The following MSH4 variants were observed in gnomAD, a reference collection of about 807,000 sequenced individuals.
MSH4 encodes mutS homolog 4.
Under a neutral mutation model 113.7 loss-of-function variants are expected in MSH4, and 106 were observed. That is an observed-to-expected ratio of 0.93 (90% confidence interval 0.80 to 1.10). The LOEUF (loss-of-function observed/expected upper bound fraction) is 1.10. MSH4 is among the 50% of genes least tolerant of loss of function. The probability of loss-of-function intolerance (pLI) is 0.00; values close to 1 mark genes in which losing one functional copy is unlikely to be tolerated. For missense variants in MSH4, 1,061 were observed against 1,093.7 expected (o/e 0.97, Z 0.42); for synonymous variants, 368 against 380.2 (o/e 0.97, Z 0.37).
At chr1:75,897,613 A>G (rs991265948) in intron 17 of MSH4, among the ~76,000 whole-genome samples, 1 of 152,076 alleles carries the variant, frequency 6.6e-6, no homozygotes, top group Non-Finnish European at 1.5e-5. Context: ...TCATCTTTTC[A>G]ATATCTTCAG....
intron 14 of MSH4, among the ~76,000 whole-genome samples, chr1:75,883,196 A>C (rs1210870278): frequency 7.1e-6 from 1 of 141,770 alleles, no homozygotes; most frequent in African/African-American, 2.6e-5. Context: ...TTGTAGAGAT[A>C]GGGTTTGACC....
intron 8 of MSH4, among the ~76,000 whole-genome samples, chr1:75,860,730 A>G (rs928840574): frequency 2.0e-5 from 3 of 152,082 alleles, no homozygotes; most frequent in Non-Finnish European, 4.4e-5. Context: ...GAATCTGCCA[A>G]TTATGTGTCT....
At chr1:75,910,105 C>CAA (rs1201551184) in intron 19 of MSH4, among the ~76,000 whole-genome samples, 1 of 152,058 alleles carries the variant, frequency 6.6e-6, no homozygotes, top group Non-Finnish European at 1.5e-5. Flanking sequence ...CTCTACTTTT[C>CAA]AAACTATTAT....
At chr1:75,800,752 C>G (rs757024226) in intron 1 of MSH4, among the ~76,000 whole-genome samples, 100 of 152,138 alleles carry the variant, frequency 6.6e-4, no homozygotes, top group Non-Finnish European at 2.8e-4. Flanking sequence ...ATAGAGTTCA[C>G]TTTTGGACAT....
chr1:75,878,054 A>G (rs1651852518), intron 10 of MSH4, 95 bp from the exon 11 acceptor site: 1 of 925,346 alleles, frequency 1.1e-6, no homozygotes, highest in East Asian at 2.9e-5. Flanking sequence ...AACTTTCAAC[A>G]AAAATTTGCT....
At chr1:75,803,976 A>C in intron 2 of MSH4, 63 bp downstream of exon 2, 1 of 1,182,284 alleles carries the variant, frequency 8.5e-7, no homozygotes, top group Non-Finnish European at 1.1e-6. Flanking sequence ...ATAAATTATA[A>C]ATTAGGGTTA....
At chr1:75,815,189 A>G (rs534320201) in intron 5 of MSH4, 53 bp downstream of exon 5, 6 of 936,796 alleles carry the variant, frequency 6.4e-6, no homozygotes, top group Non-Finnish European at 9.6e-6. Flanking sequence ...CCAATATCAT[A>G]TCAAGTAAGT....
chr1:75,882,424 C>T (rs568231542), intron 14 of MSH4, among the ~76,000 whole-genome samples: 3 of 152,002 alleles, frequency 2.0e-5, no homozygotes, highest in African/African-American at 7.2e-5. Flanking sequence ...CACCCTCTTC[C>T]TCCTCCCCCC....
intron 7 of MSH4, among the ~76,000 whole-genome samples, chr1:75,840,011 A>G (rs1234593555): frequency 6.7e-6 from 1 of 149,422 alleles, no homozygotes; most frequent in Admixed American, 6.7e-5. Context: ...TTAAAAAGTC[A>G]GGAAACAACA....
intron 4 of MSH4, 151 bp downstream of exon 4, chr1:75,810,958 A>T (rs372533881): frequency 3.9e-5 from 15 of 386,224 alleles, no homozygotes; most frequent in East Asian, 2.8e-4. Context: ...TGCAACCTCC[A>T]GCTCCCGAGT....
intron 7 of MSH4, among the ~76,000 whole-genome samples, chr1:75,830,231 T>A (rs1650651858): frequency 6.6e-6 from 1 of 151,682 alleles, no homozygotes; most frequent in Admixed American, 6.6e-5. Context: ...AAAAGACAAG[T>A]TTAGAGAAAA....
intron 10 of MSH4, 42 bp downstream of exon 10, chr1:75,877,042 C>G: frequency 7.8e-7 from 1 of 1,281,996 alleles, no homozygotes; most frequent in South Asian, 1.5e-5. Context: ...AGATTATTCT[C>G]TTCTTCCTGA....
chr1:75,891,792 A>G (rs1019457676), intron 17 of MSH4, among the ~76,000 whole-genome samples: 2 of 152,178 alleles, frequency 1.3e-5, no homozygotes, highest in African/African-American at 4.8e-5. Flanking sequence ...AATCTATTTT[A>G]TGCTTAAAAG....
At chr1:75,798,300 T>C (rs1292223626) in intron 1 of MSH4, among the ~76,000 whole-genome samples, 1 of 152,166 alleles carries the variant, frequency 6.6e-6, no homozygotes, top group Non-Finnish European at 1.5e-5. Context: ...TAAACTCTTT[T>C]AATTTGGCTT....
At chr1:75,877,644 A>G (rs746769430) in intron 10 of MSH4, among the ~76,000 whole-genome samples, 13 of 152,204 alleles carry the variant, frequency 8.5e-5, no homozygotes, top group Admixed American at 2.0e-4. Context: ...GGTTTGCATA[A>G]TCACTGAACT....
intron 7 of MSH4, among the ~76,000 whole-genome samples, chr1:75,838,243 C>T (rs984147723): frequency 6.6e-6 from 1 of 152,136 alleles, no homozygotes; most frequent in African/African-American, 2.4e-5. Flanking sequence ...TTTCTTGGCT[C>T]TTAGCCCTTC....
At position 75,905,559 on chromosome 1, in the gene MSH4, G is replaced by A. The variant is rs543613091; in HGVS notation, c.2619+5853G>A. Among the ~76,000 whole-genome samples the A allele has an allele frequency of 2.0e-5, 3 of 152,196 alleles. No homozygotes were observed. In the South Asian group the frequency reaches 6.2e-4, roughly 32 times the overall value. On this transcript the variant is annotated intron_variant, in intron 19 of 19. Transcript: ENST00000263187. ...GAAATGTTCTGCAAATGTCAGTGAG[G>A]TCCAGGCAGTCTAGAGTGTAGTTTA...
At chr1:75,822,252 G>A (rs1173465119) in intron 6 of MSH4, among the ~76,000 whole-genome samples, 157 bp from the exon 7 acceptor site, 2 of 139,734 alleles carry the variant, frequency 1.4e-5, no homozygotes, top group Non-Finnish European at 1.5e-5. Context: ...TCGCGCCACT[G>A]TACTCCATAC....
At chr1:75,855,935 C>G (rs1189656221) in intron 8 of MSH4, among the ~76,000 whole-genome samples, 1 of 152,150 alleles carries the variant, frequency 6.6e-6, no homozygotes, top group African/African-American at 2.4e-5. Flanking sequence ...ACAGCAATCT[C>G]TTTATTGTCA....
Sources: gnomAD v4.1 joint callset for allele counts (sites outside exome capture counted in the v4.1 genomes callset) on GRCh38, gnomAD v4.1.1 for gene constraint, MANE v1.5 for transcripts, NCBI Gene and HGNC (gene_info 2026-07-23, HGNC 2026-07-21) for gene names.